EYA1: variants seen among roughly 807,000 people sequenced by gnomAD.
EYA1 encodes the protein EYA transcriptional coactivator and phosphatase 1.
Under a neutral mutation model 82.0 loss-of-function variants are expected in EYA1, and 16 were observed. The observed-to-expected ratio is 0.20, with a 90% CI of 0.13 to 0.30. The LOEUF (loss-of-function observed/expected upper bound fraction) is 0.30, where lower values mean the gene tolerates loss of function less well. EYA1 is among the 10% of genes least tolerant of loss of function. EYA1 has a pLI of 1.00. For missense variants in EYA1, 633 were observed against 730.7 expected, an observed-to-expected ratio of 0.87 and a Z score of 1.54; for synonymous variants, 261 against 264.4, an observed-to-expected ratio of 0.99 and a Z score of 0.12.
intron 3 of EYA1, among the ~76,000 whole-genome samples, chr8:71,336,312 G>C (rs990756591): frequency 6.6e-6 from 1 of 152,178 alleles, no homozygotes; most frequent in Non-Finnish European, 1.5e-5. Context: ...GCTCTCCTAC[G>C]GTCTTAGGGC....
intron 11 of EYA1, among the ~76,000 whole-genome samples, chr8:71,247,853 T>C (rs565187142): frequency 6.6e-6 from 1 of 152,280 alleles, no homozygotes; most frequent in East Asian, 1.9e-4. Context: ...ATACCCTGAC[T>C]TGTCTCATAA....
At chr8:71,295,325 T>C (rs1325711822) in intron 9 of EYA1, among the ~76,000 whole-genome samples, 1 of 152,156 alleles carries the variant, frequency 6.6e-6, no homozygotes, top group African/African-American at 2.4e-5. Context: ...GCAAAACACC[T>C]ATCTGATAAA....
At chr8:71,518,252 T>C (rs901418028) in intron 2 of EYA1, among the ~76,000 whole-genome samples, 2 of 152,282 alleles carry the variant, frequency 1.3e-5, no homozygotes, top group East Asian at 1.9e-4. Context: ...CTTAGAGTCT[T>C]AGTTCTTCTT....
chr8:71,264,425 A>C (rs1815521335), intron 11 of EYA1, among the ~76,000 whole-genome samples: 1 of 152,212 alleles, frequency 6.6e-6, no homozygotes, highest in African/African-American at 2.4e-5. Context: ...CACTATGACA[A>C]GTGAGATCCT....
intron 2 of EYA1, among the ~76,000 whole-genome samples, chr8:71,481,729 C>A (rs1810177864): frequency 6.6e-6 from 1 of 152,084 alleles, no homozygotes; most frequent in Non-Finnish European, 1.5e-5. Flanking sequence ...TATAATCCTG[C>A]AAATGGCCAG....
intron 2 of EYA1, among the ~76,000 whole-genome samples, chr8:71,400,558 A>C (rs930691913): frequency 9.2e-5 from 14 of 152,234 alleles, no homozygotes; most frequent in African/African-American, 2.9e-4. Context: ...CTGATCATTT[A>C]AGAAATGCAA....
chr8:71,266,183 T>TGTAGAGTAAGGC (rs1300038812), intron 11 of EYA1, among the ~76,000 whole-genome samples: 1 of 152,216 alleles, frequency 6.6e-6, no homozygotes, highest in Non-Finnish European at 1.5e-5. Context: ...TTGTCAGGCA[T>TGTAGAGTAAGGC]TCATTCTTTA....
chr8:71,312,836 T>A (rs1821499844), intron 7 of EYA1, among the ~76,000 whole-genome samples: 1 of 152,226 alleles, frequency 6.6e-6, no homozygotes, highest in Non-Finnish European at 1.5e-5. Context: ...AAACAATAAA[T>A]GTCAACTGTT....
chr8:71,335,425 G>A (rs921323597), intron 3 of EYA1, among the ~76,000 whole-genome samples: 4 of 152,006 alleles, frequency 2.6e-5, no homozygotes, highest in Admixed American at 1.3e-4. Flanking sequence ...TAGATGCATC[G>A]GATAGTCACT....
chr8:71,397,236 T>A lies in EYA1; in HGVS notation c.34-40725A>T, dbSNP rs559107316. On this transcript the variant is annotated intron_variant, in intron 2 of 18. Transcript: ENST00000643681. ...CAGCACACTGATGGGTCTTCACTCT[T>A]TATCCAATTTGCCAGTCTGTGTCTT... Among the ~76,000 whole-genome samples the A allele has an allele frequency of 1.4e-3, 211 of 152,362 alleles. 1 individual carries two copies. Among genetic ancestry groups the A allele is most frequent in the African/African-American group, 4.8e-3 (198 of 41,584 alleles).
chr8:71,369,388 CA>C (rs1827961382), intron 2 of EYA1, among the ~76,000 whole-genome samples: 1 of 152,118 alleles, frequency 6.6e-6, no homozygotes, highest in Admixed American at 6.5e-5. Context: ...CAGATTAAAA[CA>C]AATGCACCAG....
rs1805309254 is a variant in EYA1 at position 71,427,330 on chromosome 8, C to T, written c.34-70819G>A. Among the ~76,000 whole-genome samples, 4 of 152,154 alleles carry T rather than the reference C, an allele frequency of 2.6e-5. No individual in the cohort carries two copies. The South Asian group carries it at 8.3e-4, about 32-fold the overall frequency. Reference sequence around the variant, plus strand: ...GCTTATTATATCGACTCCCCTGCTGCTTAATGACCTGGTTGTAGTTTTGTT... The same window carrying T: ...GCTTATTATATCGACTCCCCTGCTGTTTAATGACCTGGTTGTAGTTTTGTT... On this transcript the variant is annotated intron_variant, in intron 2 of 18. Coordinates refer to the EYA1 transcript ENST00000643681.
At chr8:71,374,410 A>G (rs1345937968) in intron 2 of EYA1, among the ~76,000 whole-genome samples, 1 of 152,222 alleles carries the variant, frequency 6.6e-6, no homozygotes, top group Non-Finnish European at 1.5e-5. Flanking sequence ...CATCGGGGAA[A>G]TGCAAATCAA....
chr8:71,419,684 TA>T (rs1831039848), intron 2 of EYA1, among the ~76,000 whole-genome samples: 1 of 152,172 alleles, frequency 6.6e-6, no homozygotes, highest in Admixed American at 6.5e-5. Context: ...TAAAGTTTTT[TA>T]AATTAGCATT....
intron 11 of EYA1, among the ~76,000 whole-genome samples, chr8:71,247,354 T>C (rs375065012): frequency 1.1e-3 from 171 of 152,200 alleles, no homozygotes; most frequent in African/African-American, 4.0e-3. Flanking sequence ...GCCAGCTGAC[T>C]GACAGTGGAA....
intron 7 of EYA1, among the ~76,000 whole-genome samples, chr8:71,305,470 G>A (rs1820625683): frequency 1.7e-5 from 2 of 119,144 alleles, no homozygotes; most frequent in South Asian, 5.4e-4. Flanking sequence ...ATAACTATTG[G>A]CCAATATGGT....
intron 11 of EYA1, among the ~76,000 whole-genome samples, chr8:71,266,353 C>T (rs980838789): frequency 1.3e-5 from 2 of 152,156 alleles, no homozygotes; most frequent in African/African-American, 4.8e-5. Flanking sequence ...ACACTCTGAT[C>T]AGCTTGCTTA....
At chr8:71,348,501 G>T (rs537106783) in intron 3 of EYA1, among the ~76,000 whole-genome samples, 1 of 152,340 alleles carries the variant, frequency 6.6e-6, no homozygotes, top group Admixed American at 6.5e-5. Flanking sequence ...ATTAGCAATT[G>T]GAAGTAGGGA....
At chr8:71,525,415 T>G (rs1813732965) in intron 2 of EYA1, among the ~76,000 whole-genome samples, 1 of 152,208 alleles carries the variant, frequency 6.6e-6, no homozygotes, top group African/African-American at 2.4e-5. Context: ...AATATAAACA[T>G]TAATTGATCT....
Sources: gnomAD v4.1 joint callset for allele counts (sites outside exome capture counted in the v4.1 genomes callset) on GRCh38, gnomAD v4.1.1 for gene constraint, MANE v1.5 for transcripts, NCBI Gene and HGNC (gene_info 2026-07-23, HGNC 2026-07-21) for gene names.